The following MTTP variants were observed in gnomAD, a reference collection of about 807,000 sequenced individuals.
The protein encoded by MTTP is microsomal triglyceride transfer protein.
MTTP carries 49 observed loss-of-function variants against 90.6 expected under a neutral mutation model. The observed-to-expected ratio is 0.54, with a 90% CI of 0.43 to 0.69. MTTP has a LOEUF of 0.69. Among genes scored for constraint, MTTP ranks in the 30% least tolerant of loss-of-function variants. The pLI, the probability that MTTP is intolerant of heterozygous loss-of-function variation, is 0.00. For synonymous variants in MTTP, 347 were observed against 384.2 expected (o/e 0.90, Z 1.13); for missense variants, 945 against 1,067.5 (o/e 0.89, Z 1.60).
rs772602972 is a variant in MTTP, at chr4:99,608,923, A to G, written c.1715A>G (p.Asn572Ser). ...ATTGGGGAGCTTCCCCAAGAAATGA[A>G]TAAATACATGCTCGCCATTGTTCAA... ...LSIGELPQEM[N>S]KYMLAIVQDI... The change falls in exon 12 of 18, where the codon AAT becomes AGT. Residue 572 changes from asparagine (N) to serine (S), a missense_variant. Asn to Ser is a conservative substitution (Grantham distance 46). Transcript: ENST00000265517. 1.9e-4 allele frequency: 308 copies of G among 1,614,172 alleles called. 6 individuals are homozygous for G. The South Asian group carries it at 3.3e-3, about 17-fold the overall frequency.
chr4:99,597,974 C>T (rs190144325), intron 8 of MTTP, among the ~76,000 whole-genome samples: 21 of 152,184 alleles, frequency 1.4e-4, no homozygotes, highest in African/African-American at 5.1e-4. Flanking sequence ...CAGTCATTAA[C>T]ATAATCAAAA....
chr4:99,617,522 G>C (rs1726126375), intron 15 of MTTP, among the ~76,000 whole-genome samples: 1 of 152,278 alleles, frequency 6.6e-6, no homozygotes, highest in African/African-American at 2.4e-5. Context: ...TGTTTGGTCT[G>C]AGTAGGGCAG....
chr4:99,600,517 ATTCC>A, intron 8 of MTTP, 44 bp from the exon 9 acceptor site: 2 of 1,538,486 alleles, frequency 1.3e-6, no homozygotes, highest in Non-Finnish European at 1.8e-6. Context: ...ATTTTTAAGT[ATTCC>A]TTCCCCTAAA....
At chr4:99,609,074 A>G (rs1725891418) in intron 12 of MTTP, 97 bp downstream of exon 12, 1 of 1,210,968 alleles carries the variant, frequency 8.3e-7, no homozygotes, top group Non-Finnish European at 1.2e-6. Flanking sequence ...GTCATTATGC[A>G]GGGTTACGTT....
exon 1 of MTTP, chr4:99,564,175 C>T: frequency 6.5e-7 from 1 of 1,535,524 alleles, no homozygotes; most frequent in South Asian, 1.2e-5. Flanking sequence ...ACAGTGATGT[C>T]TGTTTTTTCC....
In MTTP at chr4:99,596,756, C is replaced by T. The variant is rs1019623970; in HGVS notation, c.910-311C>T. 4.6e-5 allele frequency among the ~76,000 whole-genome samples: 7 copies of T among 152,242 alleles called. No homozygotes were observed. In the South Asian group the frequency reaches 1.2e-3, roughly 27 times the overall value. ...CACTATGGTAGTCAAAGCCTGGCCT[C>T]GGATAAATTCCCTTGGTGTAGCCGT... On this transcript the variant is annotated intron_variant, in intron 7 of 17. Transcript: ENST00000265517.
chr4:99,571,581 T>C (rs1293374661), upstream of MTTP, among the ~76,000 whole-genome samples: 1 of 151,898 alleles, frequency 6.6e-6, no homozygotes, highest in Non-Finnish European at 1.5e-5. Context: ...AGTGACTCTA[T>C]TTTGGAAAAA....
intron 1 of MTTP, among the ~76,000 whole-genome samples, chr4:99,568,138 C>A (rs978829558): frequency 5.3e-5 from 8 of 151,918 alleles, no homozygotes; most frequent in Non-Finnish European, 1.0e-4. Context: ...AGAAAGCACA[C>A]ACATATATTC....
At chr4:99,611,104 C>A in intron 12 of MTTP, 39 bp from the exon 13 acceptor site, 1 of 1,571,890 alleles carries the variant, frequency 6.4e-7, no homozygotes, top group Non-Finnish European at 8.8e-7. Context: ...ACAGTCATTA[C>A]AATGAATGTG....
At chr4:99,621,542 A>C (rs1726234520) in intron 17 of MTTP, among the ~76,000 whole-genome samples, 1 of 152,234 alleles carries the variant, frequency 6.6e-6, no homozygotes, top group Non-Finnish European at 1.5e-5. Flanking sequence ...GTTTCATAAA[A>C]AAAATCAGAT....
chr4:99,606,932 G>A lies in MTTP; in HGVS notation c.1529G>A (p.Arg510Lys), dbSNP rs1019346199. 1.2e-6 allele frequency: 2 copies of A among 1,613,572 alleles called. No homozygotes were observed. The highest frequency in any genetic ancestry group is 1.7e-6 in the Non-Finnish European group (2 of 1,179,814). ...CACCTGGCTACCACTGCTCTCCAGA[G>A]ATATGATCTCCCTTTCATAACTGAT... ...ISHLATTALQ[R>K]YDLPFITDEV... is the part of the protein sequence containing the mutation. Residue 510 changes from arginine (R) to lysine (K), a missense_variant, in exon 11 of 18, where the codon AGA (arginine) becomes AAA (lysine). Coordinates refer to ENST00000265517, the MANE Select transcript of MTTP (RefSeq NM_001386140.1).
At chr4:99,603,663 G>A (rs1725748672) in intron 10 of MTTP, among the ~76,000 whole-genome samples, 1 of 152,114 alleles carries the variant, frequency 6.6e-6, no homozygotes, top group African/African-American at 2.4e-5. Context: ...TATACAGCCT[G>A]GTTGGGGGTG....
chr4:99,590,601 A>G (rs1046243896), intron 4 of MTTP, among the ~76,000 whole-genome samples: 5 of 152,162 alleles, frequency 3.3e-5, no homozygotes, highest in Admixed American at 2.0e-4. Flanking sequence ...ATCTGATGGT[A>G]GGGTTGGACC....
chr4:99,583,684 C>A, intron 3 of MTTP, 167 bp downstream of exon 3: 2 of 837,714 alleles, frequency 2.4e-6, no homozygotes, highest in South Asian at 3.2e-5. Flanking sequence ...CAAACTGAAT[C>A]AATGCCCTGA....
upstream of MTTP, among the ~76,000 whole-genome samples, chr4:99,574,036 T>A (rs1177398616): frequency 6.6e-6 from 1 of 152,210 alleles, no homozygotes; most frequent in African/African-American, 2.4e-5. Flanking sequence ...CTACAGAAGT[T>A]TTCTAATTAA....
chr4:99,591,135 C>T, intron 4 of MTTP, 100 bp from the exon 5 acceptor site: 1 of 853,878 alleles, frequency 1.2e-6, no homozygotes, highest in Non-Finnish European at 2.0e-6. Context: ...AAAAAGTCCC[C>T]TATGGCCTAT....
chr4:99,594,954 T>C, intron 7 of MTTP, 71 bp downstream of exon 7: 2 of 1,557,714 alleles, frequency 1.3e-6, no homozygotes, highest in African/African-American at 2.7e-5. Context: ...AGTGAAAGCA[T>C]CAACTCATTC....
intron 14 of MTTP, among the ~76,000 whole-genome samples, chr4:99,611,744 A>C (rs987357948): frequency 6.6e-6 from 1 of 152,176 alleles, no homozygotes; most frequent in African/African-American, 2.4e-5. Context: ...TTGTGCCAAT[A>C]TTTCTTACAT....
intron 15 of MTTP, among the ~76,000 whole-genome samples, chr4:99,614,003 A>G (rs538746420): frequency 6.6e-6 from 1 of 152,342 alleles, no homozygotes; most frequent in East Asian, 1.9e-4. Flanking sequence ...GCTAAATAAA[A>G]TCTTATGAGG....
Sources: allele counts gnomAD v4.1 joint callset (sites outside exome capture counted in the v4.1 genomes callset), GRCh38; gene constraint gnomAD v4.1.1; transcripts MANE v1.5; gene names NCBI Gene and HGNC (gene_info 2026-07-23, HGNC 2026-07-21).